Variants in SUGCT observed in about 807,000 individuals in gnomAD.
SUGCT encodes succinyl-CoA:glutarate-CoA transferase.
Under a neutral mutation model 55.0 loss-of-function variants are expected in SUGCT, and 41 were observed. The ratio of observed to expected loss-of-function variants is 0.74; its 90% CI spans 0.58 to 0.97. The LOEUF (loss-of-function observed/expected upper bound fraction) is 0.97. Among genes scored for constraint, SUGCT ranks in the 50% least tolerant of loss-of-function variants. The pLI, the probability that SUGCT is intolerant of heterozygous loss-of-function variation, is 0.00. For missense variants in SUGCT, 568 were observed against 547.8 expected (o/e 1.04, Z -0.37); for synonymous variants, 187 against 200.4 (o/e 0.93, Z 0.56).
At chr7:40,377,774 C>T (rs1055511197) in intron 9 of SUGCT, among the ~76,000 whole-genome samples, 5 of 152,122 alleles carry the variant, frequency 3.3e-5, no homozygotes, top group Admixed American at 1.3e-4. Context: ...TTACTTGTAG[C>T]GCAGGTTTGC....
At chr7:40,699,087 C>T (rs1785063876) in intron 12 of SUGCT, among the ~76,000 whole-genome samples, 2 of 152,164 alleles carry the variant, frequency 1.3e-5, no homozygotes, top group South Asian at 4.2e-4. Context: ...GTGGGGGAGG[C>T]ACAGAATTCA....
chr7:41,024,711 G>T, the SUGCT span, among the ~76,000 whole-genome samples: 1 of 150,636 alleles, frequency 6.6e-6, no homozygotes, highest in African/African-American at 2.4e-5. Flanking sequence ...GAGAGAGGAA[G>T]TGTAGTTGAG....
intron 8 of SUGCT, among the ~76,000 whole-genome samples, chr7:40,305,794 T>C (rs1283324365): frequency 6.6e-6 from 1 of 152,106 alleles, no homozygotes; most frequent in Non-Finnish European, 1.5e-5. Context: ...CCTAAGTAGC[T>C]AGTTCTACAG....
intron 12 of SUGCT, among the ~76,000 whole-genome samples, chr7:40,618,140 T>C (rs1475323334): frequency 6.6e-6 from 1 of 152,214 alleles, no homozygotes; most frequent in African/African-American, 2.4e-5. Context: ...TCTTTATTAC[T>C]GCTATCTTTC....
Position 40,468,176 on chromosome 7 carries a change from C to T in SUGCT, c.986+8978C>T, listed in dbSNP as rs184383976. ...TGCTACCCTGTGTTAATAGCCTCCA[C>T]GAAAAGCTTCAGCCCATATCTTTAA... On this transcript the variant is annotated intron_variant, in intron 11 of 13. Coordinates refer to ENST00000335693, the MANE Select transcript of SUGCT (RefSeq NM_001193313.2). 1.1e-3 allele frequency among the ~76,000 whole-genome samples: 170 copies of T among 152,170 alleles called. 1 individual carries two copies. Among genetic ancestry groups the T allele is most frequent in the African/African-American group, 4.0e-3 (166 of 41,526 alleles).
At chr7:40,322,144 T>TA (rs1795788783) in intron 9 of SUGCT, among the ~76,000 whole-genome samples, 1 of 152,168 alleles carries the variant, frequency 6.6e-6, no homozygotes, top group Non-Finnish European at 1.5e-5. Flanking sequence ...TACCCAGTCT[T>TA]ACAACAGGAG....
intron 12 of SUGCT, among the ~76,000 whole-genome samples, chr7:40,616,291 G>A (rs1303679749): frequency 1.3e-5 from 2 of 152,078 alleles, no homozygotes; most frequent in Non-Finnish European, 2.9e-5. Context: ...CACCTCCTGG[G>A]CTCCAGCCAT....
chr7:40,874,623 T>C, the SUGCT span, among the ~76,000 whole-genome samples: 1 of 152,190 alleles, frequency 6.6e-6, no homozygotes, highest in Non-Finnish European at 1.5e-5. Context: ...CACGTAAGAA[T>C]TTGTGATATA....
rs376552381 is a variant in SUGCT, at chr7:40,189,590, A to G, written c.359A>G (p.Lys120Arg). The G allele has an allele frequency of 1.3e-5, 18 of 1,415,246 alleles. No individual in the cohort carries two copies. Among genetic ancestry groups the G allele is most frequent in the African/African-American group, 1.4e-5 (1 of 69,486 alleles). The allele number at this position is 1,415,246 out of a possible 1,614,324, so 87.7% of individuals were successfully genotyped here. Reference sequence around the variant, plus strand: ...GATCCAAAAGGGGTGAAAATCATCAAAGAGGTACAGTATGATGTATAGAAA... The same window carrying G: ...GATCCAAAAGGGGTGAAAATCATCAGAGAGGTACAGTATGATGTATAGAAA... ...IKDPKGVKII[K>R]ELAAVCDVFV... Residue 120 changes from lysine (K) to arginine (R), a missense_variant, in exon 5 of 14, where the codon AAA (lysine) becomes AGA (arginine). Coordinates refer to ENST00000335693, the MANE Select transcript of SUGCT (RefSeq NM_001193313.2).
chr7:40,259,927 C>G (rs767593655), intron 7 of SUGCT, among the ~76,000 whole-genome samples: 8 of 152,192 alleles, frequency 5.3e-5, no homozygotes, highest in Non-Finnish European at 1.0e-4. Context: ...TAGTGGATCT[C>G]TTCACTATGT....
At chr7:40,900,379 T>G in the SUGCT span, among the ~76,000 whole-genome samples, 1 of 152,232 alleles carries the variant, frequency 6.6e-6, no homozygotes, top group Non-Finnish European at 1.5e-5. Context: ...TCTTTATGCC[T>G]TTGTTTCCTT....
At chr7:40,774,595 G>A (rs147097562) in intron 13 of SUGCT, among the ~76,000 whole-genome samples, 18 of 152,188 alleles carry the variant, frequency 1.2e-4, no homozygotes, top group African/African-American at 3.4e-4. Flanking sequence ...CTGTCTTGCC[G>A]AAATGCAGTT....
intron 13 of SUGCT, among the ~76,000 whole-genome samples, chr7:40,816,762 A>C (rs1791692263): frequency 6.6e-6 from 1 of 152,166 alleles, no homozygotes; most frequent in African/African-American, 2.4e-5. Flanking sequence ...TACTAAGGTT[A>C]TTCTTTAGCA....
chr7:40,732,155 C>T (rs1376423193), intron 12 of SUGCT, among the ~76,000 whole-genome samples: 1 of 152,142 alleles, frequency 6.6e-6, no homozygotes, highest in Non-Finnish European at 1.5e-5. Flanking sequence ...TCTATGAAGG[C>T]TTTAGGGGAG....
At chr7:40,888,531 A>G in the SUGCT span, among the ~76,000 whole-genome samples, 1 of 152,122 alleles carries the variant, frequency 6.6e-6, no homozygotes, top group Non-Finnish European at 1.5e-5. Flanking sequence ...AAATTAAAAT[A>G]AGCTTGATTT....
chr7:40,854,882 G>A (rs2128804219), intron 13 of SUGCT, among the ~76,000 whole-genome samples: 1 of 152,184 alleles, frequency 6.6e-6, no homozygotes. Context: ...GCCGCAGTGA[G>A]CTATGATAGT....
the SUGCT span, among the ~76,000 whole-genome samples, chr7:40,961,801 T>A: frequency 1.3e-5 from 2 of 152,120 alleles, no homozygotes; most frequent in Non-Finnish European, 2.9e-5. Flanking sequence ...CAGTGAGTGT[T>A]ACAGCTCTTA....
At chr7:40,998,726 G>A in the SUGCT span, among the ~76,000 whole-genome samples, 1 of 152,176 alleles carries the variant, frequency 6.6e-6, no homozygotes, top group Non-Finnish European at 1.5e-5. Flanking sequence ...AATTAGGAAA[G>A]GTTGCTCTAC....
the SUGCT span, among the ~76,000 whole-genome samples, chr7:40,982,031 A>G: frequency 6.6e-6 from 1 of 152,218 alleles, no homozygotes; most frequent in African/African-American, 2.4e-5. Context: ...CCATCATGTC[A>G]TATCCAAGAT....
Sources: allele counts gnomAD v4.1 joint callset (sites outside exome capture counted in the v4.1 genomes callset), GRCh38; gene constraint gnomAD v4.1.1; transcripts MANE v1.5; gene names NCBI Gene and HGNC (gene_info 2026-07-23, HGNC 2026-07-21).